FOXP2: variants seen among roughly 807,000 people sequenced by gnomAD.
The protein encoded by FOXP2 is forkhead box P2, also known as forkhead box protein P2.
A neutral mutation model predicts 115.8 loss-of-function variants in FOXP2; 12 were observed. The ratio of observed to expected loss-of-function variants is 0.10; its 90% CI spans 0.07 to 0.17. The LOEUF is 0.17. FOXP2 is among the 10% of genes least tolerant of loss of function. The pLI, the probability that FOXP2 is intolerant of heterozygous loss-of-function variation, is 1.00. For synonymous variants in FOXP2, 328 were observed against 297.7 expected (o/e 1.10, Z -1.05); for missense variants, 629 against 843.5 (o/e 0.75, Z 3.15).
At chr7:114,262,621 G>C (rs924211315) in intron 1 of FOXP2, among the ~76,000 whole-genome samples, 2 of 152,144 alleles carry the variant, frequency 1.3e-5, no homozygotes, top group Admixed American at 1.3e-4. Flanking sequence ...CTTGAAATCT[G>C]TCAAATAACT....
chr7:114,628,428 T>C (rs1804711691), intron 3 of FOXP2, 112 bp from the exon 4 acceptor site: 2 of 1,406,430 alleles, frequency 1.4e-6, no homozygotes, highest in African/African-American at 1.4e-5. Flanking sequence ...GTAAAAATTA[T>C]TGATCATCAA....
intron 2 of FOXP2, among the ~76,000 whole-genome samples, chr7:114,375,614 C>T (rs1190110610): frequency 1.3e-5 from 2 of 152,154 alleles, no homozygotes; most frequent in Non-Finnish European, 2.9e-5. Flanking sequence ...AAGGAAGGCT[C>T]ATCTTCACTT....
chr7:114,119,271 A>C (rs1036701967), intron 1 of FOXP2, among the ~76,000 whole-genome samples: 5 of 152,160 alleles, frequency 3.3e-5, no homozygotes, highest in African/African-American at 1.2e-4. Context: ...TCTACTGCTC[A>C]TGCTCACAAA....
chr7:114,503,123 T>C (rs1797642471), intron 2 of FOXP2, among the ~76,000 whole-genome samples: 1 of 151,936 alleles, frequency 6.6e-6, no homozygotes, highest in South Asian at 2.1e-4. Context: ...TTGTTTTAGT[T>C]TATTCTTTCT....
chr7:114,490,829 A>G (rs1406253410), intron 2 of FOXP2, among the ~76,000 whole-genome samples: 3 of 152,190 alleles, frequency 2.0e-5, no homozygotes, highest in East Asian at 3.9e-4. Context: ...TACAAAGGAC[A>G]TGAACTCATC....
At chr7:114,528,666 G>A (rs1798990199) in intron 2 of FOXP2, among the ~76,000 whole-genome samples, 1 of 151,748 alleles carries the variant, frequency 6.6e-6, no homozygotes, top group African/African-American at 2.4e-5. Context: ...TAATTTAGTA[G>A]CATGTATTTT....
At chr7:114,358,874 TA>T (rs1791677608) in intron 2 of FOXP2, among the ~76,000 whole-genome samples, 2 of 152,134 alleles carry the variant, frequency 1.3e-5, no homozygotes, top group South Asian at 4.1e-4. Context: ...GAGCAGAGGA[TA>T]AATGTTTGGA....
chr7:114,402,392 T>TC (rs1792907389), intron 2 of FOXP2, among the ~76,000 whole-genome samples: 1 of 152,158 alleles, frequency 6.6e-6, no homozygotes, highest in Non-Finnish European at 1.5e-5. Context: ...CTCTAGGGTC[T>TC]CCACCTCTAG....
chr7:114,385,213 A>G (rs1792415360), intron 2 of FOXP2, among the ~76,000 whole-genome samples: 1 of 152,048 alleles, frequency 6.6e-6, no homozygotes, highest in African/African-American at 2.4e-5. Context: ...CTAGGTGCCT[A>G]AGGACATAGC....
At chr7:114,126,648 T>G (rs1445641380) in intron 1 of FOXP2, among the ~76,000 whole-genome samples, 2 of 152,104 alleles carry the variant, frequency 1.3e-5, no homozygotes, top group African/African-American at 2.4e-5. Flanking sequence ...AATCTTGCAG[T>G]GAAAACCCTT....
intron 1 of FOXP2, among the ~76,000 whole-genome samples, chr7:114,106,735 G>A (rs1791128046): frequency 6.6e-6 from 1 of 151,904 alleles, no homozygotes; most frequent in Non-Finnish European, 1.5e-5. Context: ...TTTTGTTTGT[G>A]GTATTTGCAA....
rs145241986 is a variant in FOXP2, at chr7:114,586,352, TG to T, written c.259-42187del. ...TTATTTCAGGAATAAAGAGATTATT[TG>T]TGGGATGTAGGAAGGATAAAATATT... On this transcript the variant is annotated intron_variant, in intron 3 of 16. Transcript: ENST00000350908. Among the ~76,000 whole-genome samples, 940 of 152,278 alleles carry T rather than the reference TG, an allele frequency of 6.2e-3. 5 individuals carry two copies. The highest frequency in any genetic ancestry group is 0.019 in the African/African-American group (802 of 41,570).
At chr7:114,549,260 G>A (rs1258941475) in intron 3 of FOXP2, among the ~76,000 whole-genome samples, 1 of 152,110 alleles carries the variant, frequency 6.6e-6, no homozygotes, top group Non-Finnish European at 1.5e-5. Context: ...TCCTTTTGAA[G>A]AATCTGAGAG....
chr7:114,406,902 A>C (rs893647182), intron 2 of FOXP2, among the ~76,000 whole-genome samples: 8 of 152,010 alleles, frequency 5.3e-5, no homozygotes, highest in African/African-American at 1.9e-4. Context: ...TTGCCATTAA[A>C]ATACAAAATT....
At chr7:114,171,800 C>T (rs186670750) in intron 1 of FOXP2, among the ~76,000 whole-genome samples, 3 of 152,234 alleles carry the variant, frequency 2.0e-5, no homozygotes, top group Non-Finnish European at 2.9e-5. Context: ...AATTGAAAAC[C>T]TTCTAGAAAG....
At chr7:114,664,210 T>G in intron 15 of FOXP2, 63 bp from the exon 16 acceptor site, 1 of 1,536,962 alleles carries the variant, frequency 6.5e-7, no homozygotes, top group Non-Finnish European at 8.9e-7. Context: ...AGAAGATACA[T>G]GTTTTAAAAA....
At chr7:114,611,322 G>A (rs965049940) in intron 3 of FOXP2, among the ~76,000 whole-genome samples, 3 of 152,108 alleles carry the variant, frequency 2.0e-5, no homozygotes, top group Admixed American at 1.3e-4. Flanking sequence ...TTAAAGGGCT[G>A]GTATGTTGAA....
intron 2 of FOXP2, among the ~76,000 whole-genome samples, chr7:114,325,444 A>C (rs1366069023): frequency 6.6e-6 from 1 of 151,988 alleles, no homozygotes; most frequent in African/African-American, 2.4e-5. Context: ...TCACATGGTA[A>C]ATTTCAGAAC....
chr7:114,442,354 T>A (rs1794642050), intron 2 of FOXP2, among the ~76,000 whole-genome samples: 1 of 152,102 alleles, frequency 6.6e-6, no homozygotes, highest in South Asian at 2.1e-4. Flanking sequence ...AGGGATTTTT[T>A]TTTTTTTTTG....
Sources: allele counts gnomAD v4.1 joint callset (sites outside exome capture counted in the v4.1 genomes callset), GRCh38; gene constraint gnomAD v4.1.1; transcripts MANE v1.5; gene names NCBI Gene and HGNC (gene_info 2026-07-23, HGNC 2026-07-21).